Variants in HDX observed in about 807,000 individuals in gnomAD.
HDX encodes the protein highly divergent homeobox.
A neutral mutation model predicts 45.2 loss-of-function variants in HDX; 19 were observed. The ratio of observed to expected loss-of-function variants is 0.42; its 90% CI spans 0.29 to 0.62. The LOEUF (loss-of-function observed/expected upper bound fraction) is 0.62. Among genes scored for constraint, HDX ranks in the 20% least tolerant of loss-of-function variants. The pLI is 0.20. For missense variants in HDX, 532 were observed against 493.9 expected, an observed-to-expected ratio of 1.08 and a Z score of -0.73; for synonymous variants, 188 against 172.8, an observed-to-expected ratio of 1.09 and a Z score of -0.69.
intron 5 of HDX, among the ~76,000 whole-genome samples, chrX:84,377,333 G>A (rs1358783538): frequency 2.7e-5 from 3 of 111,404 alleles, no homozygotes; most frequent in Non-Finnish European, 5.6e-5. Context: ...TCTTCAATGT[G>A]CAGATACCAA....
intron 5 of HDX, among the ~76,000 whole-genome samples, chrX:84,363,691 A>G (rs976286186): frequency 1.8e-5 from 2 of 112,277 alleles, no homozygotes; most frequent in Admixed American, 1.9e-4. Flanking sequence ...AAGGTAATAC[A>G]AGTCAATTCG....
At chrX:84,359,058 CT>C (rs199929701) in intron 6 of HDX, among the ~76,000 whole-genome samples, 9,109 of 109,110 alleles carry the variant, frequency 0.083, 392 homozygotes, top group East Asian at 0.26. Flanking sequence ...TTAATTAAGG[CT>C]TTTTTTTTCC....
intron 5 of HDX, among the ~76,000 whole-genome samples, chrX:84,402,299 T>C (rs150229138): frequency 0.014 from 1,609 of 112,288 alleles, 32 homozygotes; most frequent in Admixed American, 0.065. Flanking sequence ...GTAGCTCTTA[T>C]GCATATTTTT....
chrX:84,381,762 C>T (rs1042298281), intron 5 of HDX, among the ~76,000 whole-genome samples: 5 of 111,226 alleles, frequency 4.5e-5, no homozygotes, highest in Non-Finnish European at 7.6e-5. Flanking sequence ...CAGGAAAACA[C>T]TGGAAACAAC....
At chrX:84,442,311 A>T (rs1602465408) in intron 4 of HDX, among the ~76,000 whole-genome samples, 1 of 111,493 alleles carries the variant, frequency 9.0e-6, no homozygotes, top group South Asian at 3.7e-4. Flanking sequence ...ATCAATGTGA[A>T]TAGTAAATTA....
chrX:84,439,663 C>T (rs2039718769), intron 5 of HDX, among the ~76,000 whole-genome samples: 1 of 110,915 alleles, frequency 9.0e-6, no homozygotes, highest in Non-Finnish European at 1.9e-5. Flanking sequence ...GGAGTCCTTT[C>T]CTTATTTATT....
At chrX:84,429,701 A>G (rs963287289) in intron 5 of HDX, among the ~76,000 whole-genome samples, 3 of 110,508 alleles carry the variant, frequency 2.7e-5, no homozygotes, top group African/African-American at 9.8e-5. Flanking sequence ...AACCTCCAGT[A>G]AAATATTGAA....
chrX:84,417,214 AAGAG>A (rs1556012086), intron 5 of HDX, among the ~76,000 whole-genome samples: 1 of 79,968 alleles, frequency 1.3e-5, no homozygotes, highest in Non-Finnish European at 2.4e-5. Flanking sequence ...AAAGAAAAAA[AAGAG>A]AGAAAGAAAG....
At chrX:84,340,490 C>A (rs1317430370) in intron 7 of HDX, among the ~76,000 whole-genome samples, 1 of 110,140 alleles carries the variant, frequency 9.1e-6, no homozygotes, top group Non-Finnish European at 1.9e-5. Flanking sequence ...ATTATTTTTT[C>A]TTTATATTTC....
chrX:84,356,897 A>C (rs960320420), intron 6 of HDX, among the ~76,000 whole-genome samples: 1 of 110,857 alleles, frequency 9.0e-6, no homozygotes, highest in Non-Finnish European at 1.9e-5. Context: ...CTGGGATTAC[A>C]GGCGTGAGCC....
chrX:84,374,562 C>G lies in HDX; in HGVS notation c.1306-12950G>C, dbSNP rs1260350230. ...GCATGGGACTGGTACCAAAACAGAA[C>G]AGAACAGAGCCCTTGGAAATAACGC... On this transcript the variant is annotated intron_variant, in intron 5 of 10. Coordinates refer to ENST00000373177, the MANE Select transcript of HDX (RefSeq NM_001177479.2). Among the ~76,000 whole-genome samples, 80 of 28,140 alleles carry G rather than the reference C, an allele frequency of 2.8e-3. 5 individuals carry two copies. Among genetic ancestry groups the G allele is most frequent in the Non-Finnish European group, 6.1e-4 (10 of 16,447 alleles). 24.4% of individuals were successfully genotyped at this position (28,140 alleles called of 115,157 possible).
intron 5 of HDX, among the ~76,000 whole-genome samples, chrX:84,408,447 C>T (rs1356055714): frequency 1.0e-5 from 1 of 100,071 alleles, no homozygotes; most frequent in Non-Finnish European, 2.0e-5. Context: ...TTTTTGGTAA[C>T]TATAGCCTGG....
chrX:84,462,687 T>A, intron 4 of HDX, among the ~76,000 whole-genome samples: 1 of 110,474 alleles, frequency 9.1e-6, no homozygotes, highest in Non-Finnish European at 1.9e-5. Flanking sequence ...AATAAAAAAT[T>A]AAGAATTTTT....
intron 1 of HDX, among the ~76,000 whole-genome samples, chrX:84,498,056 C>G (rs2041043772): frequency 9.0e-6 from 1 of 111,340 alleles, no homozygotes; most frequent in South Asian, 3.8e-4. Context: ...ATTTTGCCAC[C>G]CTGACAATAA....
At chrX:84,456,881 T>C (rs2040123347) in intron 4 of HDX, among the ~76,000 whole-genome samples, 1 of 111,586 alleles carries the variant, frequency 9.0e-6, no homozygotes, top group African/African-American at 3.3e-5. Flanking sequence ...ATATAAAACA[T>C]ATATTATTTC....
At chrX:84,457,610 T>C (rs189631063) in intron 4 of HDX, among the ~76,000 whole-genome samples, 1 of 111,839 alleles carries the variant, frequency 8.9e-6, no homozygotes, top group African/African-American at 3.2e-5. Flanking sequence ...AAAATTTGAG[T>C]AATTTCTTCA....
At chrX:84,396,259 C>G (rs1466608017) in intron 5 of HDX, among the ~76,000 whole-genome samples, 1 of 112,125 alleles carries the variant, frequency 8.9e-6, no homozygotes, top group African/African-American at 3.2e-5. Context: ...GTTGGGTAGG[C>G]CACTTTGGTT....
intron 4 of HDX, among the ~76,000 whole-genome samples, chrX:84,440,954 C>T (rs1307156246): frequency 1.8e-5 from 2 of 110,666 alleles, no homozygotes; most frequent in African/African-American, 3.3e-5. Context: ...GAGTAGGCCC[C>T]CGTATCCACA....
chrX:84,466,748 T>C (rs1248218661), intron 4 of HDX, among the ~76,000 whole-genome samples: 2 of 111,815 alleles, frequency 1.8e-5, no homozygotes, highest in Non-Finnish European at 3.8e-5. Flanking sequence ...GAAATAGTTA[T>C]GCTGTATGGT....
Sources: gnomAD v4.1 joint callset for allele counts (sites outside exome capture counted in the v4.1 genomes callset) on GRCh38, gnomAD v4.1.1 for gene constraint, MANE v1.5 for transcripts, NCBI Gene and HGNC (gene_info 2026-07-23, HGNC 2026-07-21) for gene names.